TOX2: variants seen among roughly 807,000 people sequenced by gnomAD.
The protein encoded by TOX2 is granulosa cell HMG box 1.
A neutral mutation model predicts 47.4 loss-of-function variants in TOX2; 15 were observed. The observed-to-expected ratio is 0.32, with a 90% CI of 0.21 to 0.49. The LOEUF is 0.49. TOX2 is among the 20% of genes least tolerant of loss of function. The pLI, the probability that TOX2 is intolerant of heterozygous loss-of-function variation, is 0.99. For synonymous variants in TOX2, 290 were observed against 296.6 expected, an observed-to-expected ratio of 0.98 and a Z score of 0.23; for missense variants, 622 against 673.1, an observed-to-expected ratio of 0.92 and a Z score of 0.84.
intron 1 of TOX2, among the ~76,000 whole-genome samples, chr20:43,966,498 C>T (rs1296726518): frequency 1.3e-5 from 2 of 152,000 alleles, no homozygotes; most frequent in Non-Finnish European, 2.9e-5. Context: ...TGGCTCATGC[C>T]TGTAATCCCA....
chr20:43,927,803 C>A (rs777636729), intron 1 of TOX2, among the ~76,000 whole-genome samples: 14 of 142,664 alleles, frequency 9.8e-5, no homozygotes, highest in Non-Finnish European at 1.7e-4. Context: ...CTCTATCCCT[C>A]CTTCATACAG....
chr20:44,062,937 A>C (rs2071746128), intron 5 of TOX2, among the ~76,000 whole-genome samples: 1 of 152,228 alleles, frequency 6.6e-6, no homozygotes, highest in East Asian at 1.9e-4. Context: ...GGCAAGCCAC[A>C]TGTAGAAGAG....
intron 1 of TOX2, among the ~76,000 whole-genome samples, chr20:43,963,282 T>A (rs542325573): frequency 6.6e-6 from 1 of 152,290 alleles, no homozygotes; most frequent in South Asian, 2.1e-4. Flanking sequence ...TTTTATTGAC[T>A]GAAATAGGTG....
chr20:43,988,901 T>A (rs973093903), intron 2 of TOX2, among the ~76,000 whole-genome samples: 5 of 152,114 alleles, frequency 3.3e-5, no homozygotes, highest in African/African-American at 1.2e-4. Flanking sequence ...ACACTGGGTT[T>A]TGGTTGTGGC....
chr20:43,986,289 G>GTATGTATGTA (rs1569064931), intron 2 of TOX2, among the ~76,000 whole-genome samples: 3 of 72,586 alleles, frequency 4.1e-5, no homozygotes, highest in African/African-American at 1.9e-4. Flanking sequence ...GTATGTATGT[G>GTATGTATGTA]TGTATTTTTT....
chr20:44,048,388 T>TATATATATATA (rs1555845974), intron 3 of TOX2, among the ~76,000 whole-genome samples: 9 of 86,848 alleles, frequency 1.0e-4, no homozygotes, highest in African/African-American at 3.6e-4. Context: ...TAAAATGAAT[T>TATATATATATA]TATATATATA....
At chr20:43,947,708 C>G (rs916130893) in intron 1 of TOX2, among the ~76,000 whole-genome samples, 33 of 152,280 alleles carry the variant, frequency 2.2e-4, no homozygotes, top group Middle Eastern at 3.4e-3. Context: ...GAAAGAGAAC[C>G]AACCGATCCT....
chr20:44,002,726 G>C (rs2070605689), intron 2 of TOX2, among the ~76,000 whole-genome samples: 1 of 152,208 alleles, frequency 6.6e-6, no homozygotes, highest in Non-Finnish European at 1.5e-5. Flanking sequence ...CTGGGAGAAG[G>C]TGAAGGGGGG....
chr20:43,993,977 A>G (rs1600717608), intron 2 of TOX2, among the ~76,000 whole-genome samples: 1 of 151,966 alleles, frequency 6.6e-6, no homozygotes, highest in East Asian at 1.9e-4. Flanking sequence ...ATATAGCAAG[A>G]CCCGGTCTCT....
intron 1 of TOX2, among the ~76,000 whole-genome samples, chr20:43,926,638 A>G (rs2069171299): frequency 6.6e-6 from 1 of 152,228 alleles, no homozygotes; most frequent in Non-Finnish European, 1.5e-5. Context: ...GGAGCTTTTC[A>G]GTTCAGGATC....
Position 44,007,263 on chromosome 20 carries a change from G to C in TOX2, c.411+471G>C, listed in dbSNP as rs148929326. On this transcript the variant is annotated intron_variant, in intron 3 of 8. Coordinates refer to ENST00000341197, the MANE Select transcript of TOX2 (RefSeq NM_001098797.2). ...AGAAACACTAGCTAGGCACAGTGTT[G>C]TGTACCTATAATCTCAGCTACTTGG... The C allele has an allele frequency of 4.6e-3, 781 of 168,470 alleles. 9 individuals are homozygous for C. Among genetic ancestry groups the C allele is most frequent in the African/African-American group, 0.018 (744 of 41,822 alleles). The allele number at this position is 168,470 out of a possible 1,614,324, so 10.4% of individuals were successfully genotyped here.
In TOX2 at chr20:44,054,399, C is replaced by A; in HGVS notation, c.752C>A (p.Ser251Ter). The A allele has an allele frequency of 6.2e-7, 1 of 1,612,000 alleles. No individual in the cohort carries two copies. Among genetic ancestry groups the A allele is most frequent in the Non-Finnish European group, 8.5e-7 (1 of 1,179,340 alleles). The change falls in exon 5 of 9, where the codon TCG becomes TAG. Residue 251 changes from serine to a stop codon, truncating the protein, a stop_gained. Transcript: ENST00000341197. LOFTEE classifies it high-confidence loss of function. Reference protein sequence around the residue: ...KDPNEPQKPVSAYALFFRDTQ... With the variant: ...KDPNEPQKPV Reference sequence around the variant, plus strand: ...CCCAATGAGCCGCAGAAGCCTGTGTCGGCCTACGCACTCTTCTTCAGAGAC... The same window carrying A: ...CCCAATGAGCCGCAGAAGCCTGTGTAGGCCTACGCACTCTTCTTCAGAGAC...
intron 2 of TOX2, among the ~76,000 whole-genome samples, chr20:43,984,357 G>A (rs2070226347): frequency 6.6e-6 from 1 of 152,076 alleles, no homozygotes; most frequent in Non-Finnish European, 1.5e-5. Context: ...TACAAGGAGG[G>A]GGAAAAAGCC....
chr20:44,000,808 T>C (rs1240698378), intron 2 of TOX2, among the ~76,000 whole-genome samples: 1 of 152,044 alleles, frequency 6.6e-6, no homozygotes, highest in Non-Finnish European at 1.5e-5. Context: ...CCTGTGATGT[T>C]GAAGGACCAA....
At chr20:43,933,529 C>T (rs57150899) in intron 1 of TOX2, among the ~76,000 whole-genome samples, 12,972 of 152,164 alleles carry the variant, frequency 0.085, 787 homozygotes, top group East Asian at 0.26. Flanking sequence ...AATCAAGGCG[C>T]TTGTGTTAGG....
At chr20:44,053,521 A>G (rs13039256) in intron 4 of TOX2, among the ~76,000 whole-genome samples, 238 of 132,928 alleles carry the variant, frequency 1.8e-3, no homozygotes, top group Non-Finnish European at 3.3e-3. Context: ...CTATATATAC[A>G]CATATATATA....
intron 3 of TOX2, among the ~76,000 whole-genome samples, chr20:44,010,984 G>A (rs994410209): frequency 6.6e-6 from 1 of 152,112 alleles, no homozygotes; most frequent in Non-Finnish European, 1.5e-5. Context: ...CTTCTCCTCC[G>A]GCTCCTGGGG....
At chr20:43,951,722 T>TTTTTTTG (rs1569027227) in intron 1 of TOX2, among the ~76,000 whole-genome samples, 1 of 133,796 alleles carries the variant, frequency 7.5e-6, no homozygotes, top group South Asian at 2.7e-4. Context: ...TTTTTTTTTT[T>TTTTTTTG]TTTTTTAGAG....
chr20:43,939,883 G>A (rs1285396015), intron 1 of TOX2, among the ~76,000 whole-genome samples: 1 of 152,304 alleles, frequency 6.6e-6, no homozygotes, highest in East Asian at 1.9e-4. Context: ...TGATTCAGTC[G>A]GTGCTGCTGC....
Sources: allele counts gnomAD v4.1 joint callset (sites outside exome capture counted in the v4.1 genomes callset), GRCh38; gene constraint gnomAD v4.1.1; transcripts MANE v1.5; gene names NCBI Gene and HGNC (gene_info 2026-07-23, HGNC 2026-07-21).